SREBF2: variants seen among roughly 807,000 people sequenced by gnomAD.
SREBF2 encodes sterol regulatory element binding transcription factor 2.
Under a neutral mutation model 113.1 loss-of-function variants are expected in SREBF2, and 55 were observed. The ratio of observed to expected loss-of-function variants is 0.49; its 90% CI spans 0.39 to 0.61. The LOEUF (loss-of-function observed/expected upper bound fraction) is 0.61, where lower values mean the gene tolerates loss of function less well. Among genes scored for constraint, SREBF2 ranks in the 20% least tolerant of loss-of-function variants. The pLI, the probability that SREBF2 is intolerant of heterozygous loss-of-function variation, is 0.00. For missense variants in SREBF2, 1,349 were observed against 1,487.4 expected, an observed-to-expected ratio of 0.91 and a Z score of 1.53; for synonymous variants, 593 against 605.7, an observed-to-expected ratio of 0.98 and a Z score of 0.31.
At chr22:41,900,544 G>A in intron 16 of SREBF2, 46 bp downstream of exon 16, 1 of 1,591,304 alleles carries the variant, frequency 6.3e-7, no homozygotes, top group South Asian at 1.1e-5. Flanking sequence ...CTCTGCACTG[G>A]TTTACGAGAA....
chr22:41,854,289 G>A (rs549566913), intron 1 of SREBF2, among the ~76,000 whole-genome samples: 75 of 151,432 alleles, frequency 5.0e-4, no homozygotes, highest in Non-Finnish European at 1.0e-3. Flanking sequence ...AGCCTTCCGA[G>A]TAGCTGGGAT....
At chr22:41,888,234 C>G (rs947249585) in intron 11 of SREBF2, among the ~76,000 whole-genome samples, 1 of 152,214 alleles carries the variant, frequency 6.6e-6, no homozygotes, top group Non-Finnish European at 1.5e-5. Context: ...TGAAGATATT[C>G]TCCTATGTTG....
At chr22:41,838,954 G>A (rs2076803420) in intron 1 of SREBF2, among the ~76,000 whole-genome samples, 1 of 152,102 alleles carries the variant, frequency 6.6e-6, no homozygotes, top group Admixed American at 6.6e-5. Flanking sequence ...AGAGTACCCT[G>A]CAGTACCTGG....
Position 41,833,235 on chromosome 22 carries a change from G to C in SREBF2, c.-36G>C, listed in dbSNP as rs1199527468. On this transcript the variant is annotated 5_prime_UTR_variant, in exon 1 of 19. Transcript: ENST00000361204. This position sits in a 1 kb window ranked among gnomAD's most constrained non-coding sequence, Gnocchi z 4.1. ...GCACCGCCCCCGCGTCTCCCTGAGC[G>C]GGACGGCAGGGGGGGCTTCTGCGCT... The C allele has an allele frequency of 3.3e-6, 5 of 1,499,698 alleles. No homozygotes were observed. Among genetic ancestry groups the C allele is most frequent in the Non-Finnish European group, 4.5e-6 (5 of 1,122,382 alleles). The allele number at this position is 1,499,698 out of a possible 1,614,324, so 92.9% of individuals were successfully genotyped here.
Position 41,903,084 on chromosome 22 carries a change from C to G in SREBF2, c.3022C>G (p.Leu1008Val). Reference sequence around the variant, plus strand: ...GACCTACCACGCGTCAGGCGCTGAACTGGCGGGCTTCCAACGGGACCTGGG... The same window carrying G: ...GACCTACCACGCGTCAGGCGCTGAAGTGGCGGGCTTCCAACGGGACCTGGG... ...GETYHASGAE[L>V]AGFQRDLGSL... Residue 1008 changes from leucine (L) to valine (V), a missense_variant, in exon 17 of 19, where the codon CTG becomes GTG. By Grantham distance (32) the Leu-to-Val change is conservative (BLOSUM62 1). Around this residue, in one of 2 missense-constraint regions of SREBF2, gnomAD observed 650 missense variants for 644.1 expected, o/e 1.01. Transcript: ENST00000361204. 6.3e-7 allele frequency: 1 copy of G among 1,586,166 alleles called. No homozygotes were observed. The highest frequency in any genetic ancestry group is 8.6e-7 in the Non-Finnish European group (1 of 1,166,096).
At chr22:41,854,068 C>T (rs1172050826) in intron 1 of SREBF2, among the ~76,000 whole-genome samples, 4 of 151,576 alleles carry the variant, frequency 2.6e-5, no homozygotes, top group South Asian at 4.2e-4. Flanking sequence ...GCATGATCAC[C>T]ATTTTTATAA....
intron 1 of SREBF2, among the ~76,000 whole-genome samples, chr22:41,839,153 C>CT (rs1286619768): frequency 6.6e-6 from 1 of 152,088 alleles, no homozygotes; most frequent in Admixed American, 6.6e-5. Context: ...AGGGAGAATT[C>CT]TAAGATCCCA....
chr22:41,846,367 C>T (rs2076876829), intron 1 of SREBF2, among the ~76,000 whole-genome samples: 1 of 152,160 alleles, frequency 6.6e-6, no homozygotes, highest in African/African-American at 2.4e-5. Flanking sequence ...CTGGGTCATT[C>T]CCTCAAGGGT....
At position 41,833,635 on chromosome 22, in the gene SREBF2, C is replaced by T. The variant is rs561693212; in HGVS notation, c.88+277C>T. ...CCAGAGCGCGGGGCTAGGGACGTCGCGGGGGCGTCTCAGGGAGCGGCCTAA... is the reference window on the plus strand; with the variant it reads ...CCAGAGCGCGGGGCTAGGGACGTCGTGGGGGCGTCTCAGGGAGCGGCCTAA... On this transcript the variant is annotated intron_variant, in intron 1 of 18. Coordinates refer to ENST00000361204, the MANE Select transcript of SREBF2 (RefSeq NM_004599.4). The surrounding 1 kb of genome is among the most constrained non-coding windows in gnomAD (Gnocchi z 4.1). 2.8e-5 allele frequency: 10 copies of T among 357,752 alleles called. No individual in the cohort carries two copies. In the South Asian group the frequency reaches 7.4e-4, roughly 26 times the overall value. 22.2% of individuals were successfully genotyped at this position (357,752 alleles called of 1,614,324 possible).
At position 41,892,365 on chromosome 22, in the gene SREBF2, A is replaced by C. The variant is rs539376644; in HGVS notation, c.2209-752A>C. 5.3e-5 allele frequency among the ~76,000 whole-genome samples: 8 copies of C among 152,304 alleles called. No individual in the cohort carries two copies. The South Asian group carries it at 1.5e-3, about 28-fold the overall frequency. ...AAAGATATGTAATTAAAATGACATG[A>C]TGGGCCAGGCACGGTGGCTCACGCC... On this transcript the variant is annotated intron_variant, in intron 11 of 18. Coordinates refer to ENST00000361204, the MANE Select transcript of SREBF2 (RefSeq NM_004599.4).
chr22:41,889,984 C>T (rs546918863), intron 11 of SREBF2, among the ~76,000 whole-genome samples: 65 of 152,104 alleles, frequency 4.3e-4, no homozygotes, highest in Admixed American at 2.0e-3. Context: ...CAGAGCAAGA[C>T]TCTGTCTCAA....
intron 1 of SREBF2, among the ~76,000 whole-genome samples, chr22:41,857,320 C>T (rs1027787087): frequency 2.0e-5 from 3 of 152,100 alleles, no homozygotes; most frequent in African/African-American, 7.2e-5. Context: ...TGGCTCAGGT[C>T]CCCTGCTATA....
intron 1 of SREBF2, among the ~76,000 whole-genome samples, chr22:41,852,448 C>A (rs1167765519): frequency 1.3e-5 from 2 of 152,116 alleles, no homozygotes; most frequent in African/African-American, 4.8e-5. Context: ...CAAAACGGGC[C>A]TTGGTTTAGC....
chr22:41,838,607 C>T (rs529648886), intron 1 of SREBF2, among the ~76,000 whole-genome samples: 32 of 152,182 alleles, frequency 2.1e-4, no homozygotes, highest in African/African-American at 7.0e-4. Flanking sequence ...ATGGTGGGCA[C>T]CTGTAACCCC....
chr22:41,898,620 G>A (rs976867807), intron 14 of SREBF2, 29 bp from the exon 15 acceptor site: 1 of 1,613,726 alleles, frequency 6.2e-7, no homozygotes, highest in Non-Finnish European at 8.5e-7. Flanking sequence ...TGTGGGTGCT[G>A]GAGTGCGTTT....
At chr22:41,901,104 G>GCCT (rs2077462228) in intron 16 of SREBF2, 2 of 404,454 alleles carry the variant, frequency 4.9e-6, no homozygotes, top group African/African-American at 4.2e-5. Context: ...GCCACTGTTG[G>GCCT]GGCCCAAGTC....
chr22:41,880,827 C>T lies in SREBF2; in HGVS notation c.1873C>T (p.Arg625Cys), dbSNP rs769759580. 5.0e-6 allele frequency: 8 copies of T among 1,614,044 alleles called. No homozygotes were observed. In the African/African-American group the frequency reaches 5.3e-5, roughly 11 times the overall value. Reference sequence around the variant, plus strand: ...CTGCAGCCTCTCCTGGAACGTGATCCGCTACAGCCTGCAGAAGCTACGCCT... The same window carrying T: ...CTGCAGCCTCTCCTGGAACGTGATCTGCTACAGCCTGCAGAAGCTACGCCT... ...LACSLSWNVI[R>C]YSLQKLRLVR... The change falls in exon 10 of 19, where the codon CGC (arginine) becomes TGC (cysteine). Residue 625 changes from arginine (R) to cysteine (C), a missense_variant. Coordinates refer to ENST00000361204, the MANE Select transcript of SREBF2 (RefSeq NM_004599.4).
At chr22:41,901,118 G>C (rs1357957630) in intron 16 of SREBF2, 3 of 383,044 alleles carry the variant, frequency 7.8e-6, no homozygotes, top group African/African-American at 6.4e-5. Context: ...CCAAGTCACA[G>C]CCATCCCAGG....
chr22:41,890,669 A>G (rs1229434185), intron 11 of SREBF2, among the ~76,000 whole-genome samples: 1 of 145,374 alleles, frequency 6.9e-6, no homozygotes, highest in Non-Finnish European at 1.5e-5. Context: ...AACTTAAAAA[A>G]AAATTTTTTT....
Sources: gnomAD v4.1 joint callset for allele counts (sites outside exome capture counted in the v4.1 genomes callset) on GRCh38, gnomAD v4.1.1 for gene constraint, gnomAD v4.1.1 regional missense constraint, Gnocchi (gnomAD v3.1) non-coding constraint, MANE v1.5 for transcripts, NCBI Gene and HGNC (gene_info 2026-07-23, HGNC 2026-07-21) for gene names.